BFSP1: variants seen among roughly 807,000 people sequenced by gnomAD.
BFSP1 encodes beaded filament structural protein 1.
Under a neutral mutation model 43.9 loss-of-function variants are expected in BFSP1, and 38 were observed. The observed-to-expected ratio is 0.87, with a 90% confidence interval of 0.67 to 1.14. The LOEUF (loss-of-function observed/expected upper bound fraction) is 1.14, where lower values mean the gene tolerates loss of function less well. Among genes scored for constraint, BFSP1 ranks in the 50% most tolerant of loss-of-function variants. The probability of loss-of-function intolerance (pLI) is 0.00; values close to 1 mark genes in which losing one functional copy is unlikely to be tolerated. For synonymous variants in BFSP1, 352 were observed against 354.8 expected (o/e 0.99, Z 0.09); for missense variants, 850 against 875.1 (o/e 0.97, Z 0.36).
intron 6 of BFSP1, among the ~76,000 whole-genome samples, chr20:17,497,721 A>C (rs1296162223): frequency 6.6e-6 from 1 of 151,744 alleles, no homozygotes; most frequent in East Asian, 1.9e-4. Flanking sequence ...AAATAGAGAA[A>C]AAATGATAAA....
intron 2 of BFSP1, among the ~76,000 whole-genome samples, chr20:17,519,409 G>A (rs2034271211): frequency 6.6e-6 from 1 of 152,212 alleles, no homozygotes; most frequent in South Asian, 2.1e-4. Flanking sequence ...GCAACTCGAT[G>A]CAACATGAGG....
At chr20:17,537,494 A>G (rs930884852) in intron 1 of BFSP1, among the ~76,000 whole-genome samples, 1 of 150,662 alleles carries the variant, frequency 6.6e-6, no homozygotes, top group African/African-American at 2.4e-5. Flanking sequence ...GAAGCCTGAG[A>G]TTCAAACACT....
In BFSP1 at chr20:17,553,794, TACACACACACACACACACAC is replaced by T. The variant is rs144515006; in HGVS notation, c.2+4874_2+4893del. 3.5e-4 allele frequency among the ~76,000 whole-genome samples: 37 copies of T among 105,012 alleles called. 1 individual carries two copies. The highest frequency in any genetic ancestry group is 6.3e-4 in the Non-Finnish European group (34 of 53,818). 68.9% of individuals were successfully genotyped at this position (105,012 alleles called of 152,430 possible). A position where few individuals can be genotyped will look rare whatever the true frequency, so the allele number is the denominator to read the frequency against. ...ATATAAACATATATATATATATATA[TACACACACACACACACACAC>T]ACACACACACATATATATATATACA... On this transcript the variant is annotated intron_variant, in intron 1 of 7. Transcript: ENST00000377868.
chr20:17,557,211 C>T (rs759281909), intron 1 of BFSP1, among the ~76,000 whole-genome samples: 2 of 152,204 alleles, frequency 1.3e-5, no homozygotes, highest in Admixed American at 6.5e-5. Context: ...AGGAGAAGTC[C>T]GTTTCTGCAG....
chr20:17,543,611 C>G (rs1026756374), intron 1 of BFSP1, among the ~76,000 whole-genome samples: 8 of 151,936 alleles, frequency 5.3e-5, no homozygotes, highest in Non-Finnish European at 7.4e-5. Flanking sequence ...TGGGTGAATG[C>G]AGACTCATCC....
At chr20:17,513,167 G>C (rs2034126503) in intron 3 of BFSP1, among the ~76,000 whole-genome samples, 1 of 152,178 alleles carries the variant, frequency 6.6e-6, no homozygotes, top group African/African-American at 2.4e-5. Flanking sequence ...GGGATCATGA[G>C]AAGGCCACAG....
chr20:17,512,177 G>C (rs1337914567), intron 3 of BFSP1, 109 bp from the exon 4 acceptor site: 3 of 811,656 alleles, frequency 3.7e-6, no homozygotes, highest in Admixed American at 2.2e-5. Context: ...CCTCATCACA[G>C]ACAGGACAGA....
intron 2 of BFSP1, among the ~76,000 whole-genome samples, chr20:17,521,525 T>A (rs1387394560): frequency 1.1e-4 from 16 of 152,342 alleles, no homozygotes; most frequent in Non-Finnish European, 1.5e-5. Flanking sequence ...AAAACCTCGT[T>A]GATCTGATGT....
At position 17,520,210 on chromosome 20, in the gene BFSP1, G is replaced by GCC. The variant is rs138070825; in HGVS notation, c.438+4636_438+4637dup. 6.0e-3 allele frequency among the ~76,000 whole-genome samples: 796 copies of GCC among 133,054 alleles called. 5 individuals carry two copies. The highest frequency in any genetic ancestry group is 7.7e-3 in the Middle Eastern group (2 of 260). 87.3% of individuals were successfully genotyped at this position (133,054 alleles called of 152,430 possible). A position where few individuals can be genotyped will look rare whatever the true frequency, so the allele number is the denominator to read the frequency against. ...GGCCCAGGAGTCTGGGTTTTAACGT[G>GCC]CCCCCCCACCCCGCCCACCTTTCAC... On this transcript the variant is annotated intron_variant, in intron 2 of 7. Transcript: ENST00000377873.
At chr20:17,515,860 T>C (rs1396675706) in intron 2 of BFSP1, among the ~76,000 whole-genome samples, 1 of 152,212 alleles carries the variant, frequency 6.6e-6, no homozygotes, top group African/African-American at 2.4e-5. Flanking sequence ...TGGGCTCTCA[T>C]TAATCAAGGG....
At chr20:17,554,803 T>C (rs931371145) in intron 1 of BFSP1, among the ~76,000 whole-genome samples, 4 of 152,214 alleles carry the variant, frequency 2.6e-5, no homozygotes, top group Admixed American at 6.5e-5. Flanking sequence ...CTCTCATTTG[T>C]TGCTTATATC....
chr20:17,512,651 T>G (rs2034114339), intron 3 of BFSP1, among the ~76,000 whole-genome samples: 1 of 152,090 alleles, frequency 6.6e-6, no homozygotes, highest in African/African-American at 2.4e-5. Flanking sequence ...TGGGGGTGGG[T>G]GGAGGCTGCA....
chr20:17,517,359 CA>C lies in BFSP1; in HGVS notation c.439-2544del. 5.2e-6 allele frequency: 5 copies of C among 966,282 alleles called. No individual in the cohort carries two copies. The South Asian group carries it at 5.2e-5, about 10-fold the overall frequency. The allele number at this position is 966,282 out of a possible 1,614,324, so 59.9% of individuals were successfully genotyped here. ...GAACTAACAAACAAAACAAAACAAA[CA>C]AACAAACAAAATCATTTCCTTTTGC... is the stretch of plus-strand genomic sequence containing the variant. On this transcript the variant is annotated intron_variant, in intron 2 of 7. Transcript: ENST00000377873.
intron 1 of BFSP1, among the ~76,000 whole-genome samples, chr20:17,543,911 G>A (rs1354778234): frequency 6.6e-6 from 1 of 152,214 alleles, no homozygotes; most frequent in African/African-American, 2.4e-5. Flanking sequence ...CGTGATAGAA[G>A]TTCCCAAAAG....
At chr20:17,529,156 T>G (rs1003049057) in intron 1 of BFSP1, among the ~76,000 whole-genome samples, 1 of 151,474 alleles carries the variant, frequency 6.6e-6, no homozygotes, top group African/African-American at 2.4e-5. Context: ...CACTGCAGCC[T>G]CCGCCTCCCA....
Position 17,494,173 on chromosome 20 carries a change from C to T in BFSP1, c.1899G>A (p.Thr633=), listed in dbSNP as rs140475302. 3.0e-5 allele frequency: 48 copies of T among 1,614,020 alleles called. No homozygotes were observed. The Middle Eastern group carries it at 6.6e-4, about 22-fold the overall frequency. The change falls in exon 8 of 8, where the codon ACG becomes ACA. Residue 633 remains threonine, a synonymous_variant. Transcript: ENST00000377873. The part of the protein sequence containing the change: ...EVVESIEKIS[T]ESIQTYEETA... Reference sequence around the variant, plus strand: ...TTTCTTCATATGTCTGAATGCTCTCCGTGGAAATCTTCTCGATAGATTCCA... The same window carrying T: ...TTTCTTCATATGTCTGAATGCTCTCTGTGGAAATCTTCTCGATAGATTCCA...
intron 2 of BFSP1, among the ~76,000 whole-genome samples, chr20:17,524,396 C>T (rs781466866): frequency 6.6e-6 from 1 of 152,168 alleles, no homozygotes; most frequent in African/African-American, 2.4e-5. Flanking sequence ...TAAGAGGGAA[C>T]TCTAGAGGAA....
chr20:17,553,848 TACATATATATACACATATATATAC>T (rs2034943608), intron 1 of BFSP1, among the ~76,000 whole-genome samples: 1 of 90,732 alleles, frequency 1.1e-5, no homozygotes, highest in African/African-American at 7.0e-5. Flanking sequence ...CACATATATA[TACATATATATACACATATATATAC>T]ATATATATAT....
chr20:17,515,920 T>G (rs555989874), intron 2 of BFSP1, among the ~76,000 whole-genome samples: 1 of 152,362 alleles, frequency 6.6e-6, no homozygotes, highest in African/African-American at 2.4e-5. Context: ...CATACTCGCA[T>G]GAACAGAGTT....
Sources: gnomAD v4.1 joint callset for allele counts (sites outside exome capture counted in the v4.1 genomes callset) on GRCh38, gnomAD v4.1.1 for gene constraint, MANE v1.5 for transcripts, NCBI Gene and HGNC (gene_info 2026-07-23, HGNC 2026-07-21) for gene names.